Variants in CASK observed in about 807,000 individuals in gnomAD.
CASK encodes the protein peripheral plasma membrane protein CASK.
Under a neutral mutation model 82.9 loss-of-function variants are expected in CASK, and 4 were observed. That is an observed-to-expected ratio of 0.05 (90% CI 0.02 to 0.11). The LOEUF (loss-of-function observed/expected upper bound fraction) is 0.11, where lower values mean the gene tolerates loss of function less well. Among genes scored for constraint, CASK ranks in the 10% least tolerant of loss-of-function variants. The pLI is 1.00. For synonymous variants in CASK, 259 were observed against 253.5 expected (o/e 1.02, Z -0.20); for missense variants, 358 against 720.9 (o/e 0.50, Z 5.76).
chrX:41,789,497 C>T (rs1477553053), intron 2 of CASK, among the ~76,000 whole-genome samples: 1 of 110,925 alleles, frequency 9.0e-6, no homozygotes, highest in Non-Finnish European at 1.9e-5. Flanking sequence ...TAGGAAGGCC[C>T]CGCAGGAGGG....
chrX:41,692,661 T>C (rs2067593470), intron 5 of CASK, among the ~76,000 whole-genome samples: 1 of 112,349 alleles, frequency 8.9e-6, no homozygotes, highest in African/African-American at 3.2e-5. Flanking sequence ...TTCTTTGACA[T>C]GATTTGAGTT....
intron 5 of CASK, among the ~76,000 whole-genome samples, chrX:41,733,175 C>CAAA (rs200021916): frequency 3.7e-5 from 2 of 53,384 alleles, no homozygotes; most frequent in African/African-American, 7.3e-5. Flanking sequence ...GATTCCATCT[C>CAAA]AAAAAAAAAA....
At chrX:41,707,759 G>C (rs1332267123) in intron 5 of CASK, among the ~76,000 whole-genome samples, 3 of 111,403 alleles carry the variant, frequency 2.7e-5, no homozygotes, top group Non-Finnish European at 5.6e-5. Context: ...GAGTAGTGGA[G>C]CTGCTGAAGA....
intron 24 of CASK, among the ~76,000 whole-genome samples, chrX:41,531,673 G>A (rs1473076928): frequency 8.9e-6 from 1 of 112,520 alleles, no homozygotes; most frequent in Admixed American, 9.4e-5. Flanking sequence ...GGCATTTCAA[G>A]GATTCAATAA....
intron 1 of CASK, among the ~76,000 whole-genome samples, chrX:41,909,796 G>A: frequency 9.0e-6 from 1 of 111,622 alleles, no homozygotes; most frequent in Middle Eastern, 4.6e-3. Flanking sequence ...TAGTAGAGAC[G>A]AGGTTTCACC....
intron 1 of CASK, among the ~76,000 whole-genome samples, chrX:41,862,931 G>C (rs1001122337): frequency 3.6e-5 from 4 of 111,614 alleles, no homozygotes; most frequent in African/African-American, 1.3e-4. Context: ...GGCTGAGAAA[G>C]AAACGAAGCA....
chrX:41,913,621 A>G (rs1370185207), intron 1 of CASK, among the ~76,000 whole-genome samples: 1 of 112,458 alleles, frequency 8.9e-6, no homozygotes, highest in Non-Finnish European at 1.9e-5. Flanking sequence ...TGTTCATTTC[A>G]CCATATTATT....
chrX:41,762,386 C>T (rs1438259460), intron 3 of CASK, among the ~76,000 whole-genome samples: 2 of 111,513 alleles, frequency 1.8e-5, no homozygotes, highest in East Asian at 5.7e-4. Context: ...ATGGTAATGC[C>T]TCCTAAACTC....
chrX:41,677,515 C>A (rs1339545412), intron 5 of CASK, among the ~76,000 whole-genome samples: 1 of 111,894 alleles, frequency 8.9e-6, no homozygotes, highest in African/African-American at 3.3e-5. Context: ...AAAATGAGAA[C>A]TGAGAACTGA....
intron 3 of CASK, among the ~76,000 whole-genome samples, chrX:41,769,537 A>G (rs908383704): frequency 3.6e-5 from 4 of 111,211 alleles, no homozygotes; most frequent in Non-Finnish European, 5.6e-5. Flanking sequence ...CAGCCCCTTC[A>G]CAGACTTGCA....
intron 12 of CASK, 98 bp from the exon 13 acceptor site, chrX:41,589,690 A>C (rs1306193758): frequency 1.7e-6 from 1 of 601,439 alleles, no homozygotes; most frequent in Non-Finnish European, 2.7e-6. Flanking sequence ...TTTTTCTTTT[A>C]AAAAGGCAGG....
chrX:41,819,092 TTAA>T (rs1287020864), intron 2 of CASK, among the ~76,000 whole-genome samples: 4 of 111,348 alleles, frequency 3.6e-5, no homozygotes, highest in African/African-American at 6.5e-5. Context: ...AACAATAAAG[TTAA>T]TGATACCAAA....
intron 5 of CASK, among the ~76,000 whole-genome samples, chrX:41,738,658 G>C (rs2068543116): frequency 8.9e-6 from 1 of 112,046 alleles, no homozygotes; most frequent in Non-Finnish European, 1.9e-5. Flanking sequence ...CTGGAGGTTA[G>C]AGAAAGGCCA....
At chrX:41,794,044 T>G (rs1305747655) in intron 2 of CASK, among the ~76,000 whole-genome samples, 1 of 112,196 alleles carries the variant, frequency 8.9e-6, no homozygotes, top group Non-Finnish European at 1.9e-5. Context: ...CTGGGTCAAC[T>G]GCAAACTCAT....
intron 14 of CASK, among the ~76,000 whole-genome samples, chrX:41,582,231 C>T (rs949204716): frequency 8.9e-6 from 1 of 112,200 alleles, no homozygotes; most frequent in South Asian, 3.7e-4. Context: ...TATTTTCCTG[C>T]GTGCCATCAC....
chrX:41,785,550 T>C (rs1449210290), intron 3 of CASK, among the ~76,000 whole-genome samples: 2 of 112,477 alleles, frequency 1.8e-5, no homozygotes, highest in African/African-American at 6.5e-5. Context: ...ACAACTAAAA[T>C]GTTTACATCT....
At chrX:41,872,429 A>T (rs1204109138) in intron 1 of CASK, among the ~76,000 whole-genome samples, 1 of 111,965 alleles carries the variant, frequency 8.9e-6, no homozygotes, top group Non-Finnish European at 1.9e-5. Context: ...ATCTCATGGC[A>T]TACCCCTACC....
chrX:41,842,253 C>T (rs2071054970), intron 2 of CASK, among the ~76,000 whole-genome samples: 1 of 111,556 alleles, frequency 9.0e-6, no homozygotes, highest in Non-Finnish European at 1.9e-5. Flanking sequence ...GCCAGGGTTA[C>T]ACTATGTGTA....
chrX:41,820,359 T>C (rs2070507533), intron 2 of CASK, among the ~76,000 whole-genome samples: 1 of 111,552 alleles, frequency 9.0e-6, no homozygotes, highest in Admixed American at 9.5e-5. Context: ...CAACTGTATT[T>C]CTATATACTA....
Sources: gnomAD v4.1 joint callset for allele counts (sites outside exome capture counted in the v4.1 genomes callset) on GRCh38, gnomAD v4.1.1 for gene constraint, MANE v1.5 for transcripts, NCBI Gene and HGNC (gene_info 2026-07-23, HGNC 2026-07-21) for gene names.